The following PLD3 variants were observed in gnomAD, a reference collection of about 807,000 sequenced individuals.
PLD3 encodes the protein phospholipase D family member 3, also known as 5'-3' exonuclease PLD3.
Under a neutral mutation model 58.4 loss-of-function variants are expected in PLD3, and 31 were observed. The ratio of observed to expected loss-of-function variants is 0.53; its 90% confidence interval spans 0.40 to 0.72. The LOEUF is 0.72. Among genes scored for constraint, PLD3 ranks in the 30% least tolerant of loss-of-function variants. The pLI is 0.00. For synonymous variants in PLD3, 264 were observed against 273.4 expected (o/e 0.97, Z 0.34); for missense variants, 595 against 659.8 (o/e 0.90, Z 1.08).
intron 1 of PLD3, among the ~76,000 whole-genome samples, chr19:40,350,191 C>T (rs1454200912): frequency 8.1e-6 from 1 of 123,994 alleles, no homozygotes; most frequent in Non-Finnish European, 1.6e-5. Flanking sequence ...ATCTGAGAGG[C>T]GGAGGTTGCA....
At chr19:40,348,879 T>TAA (rs2078401684) in intron 1 of PLD3, 111 bp downstream of exon 1, 1 of 150,058 alleles carries the variant, frequency 6.7e-6, no homozygotes, top group African/African-American at 2.5e-5. Context: ...ATATGGAATA[T>TAA]AATATATATA....
chr19:40,365,219 G>C (rs1285966371), intron 1 of PLD3, among the ~76,000 whole-genome samples: 2 of 152,192 alleles, frequency 1.3e-5, no homozygotes, highest in African/African-American at 4.8e-5. Context: ...GGAGAGGAGG[G>C]ATGAGAGAGG....
Position 40,371,799 on chromosome 19 carries a change from T to C in PLD3, c.805T>C (p.Tyr269His). ...CATCCCATCAACTTGGCCCCGGTTCTATGACACCCGCTACAACCAAGAGAC... is the reference window on the plus strand; with the variant it reads ...CATCCCATCAACTTGGCCCCGGTTCCATGACACCCGCTACAACCAAGAGAC... ...SSIPSTWPRF[Y>H]DTRYNQETPM... The change falls in exon 9 of 13, where the codon TAT becomes CAT. Residue 269 changes from tyrosine (Y) to histidine (H), a missense_variant. Tyr to His is a moderately conservative substitution (Grantham distance 83). Transcript: ENST00000409735. 1 of 1,614,148 alleles carries C rather than the reference T, an allele frequency of 6.2e-7. No individual in the cohort carries two copies. The highest frequency in any genetic ancestry group is 2.2e-5 in the East Asian group (1 of 44,876).
In PLD3 at chr19:40,366,744, G is replaced by A. The variant is rs374163208; in HGVS notation, c.103-29G>A. On this transcript the variant is annotated intron_variant, in intron 4 of 12. Transcript: ENST00000409735. The stretch of plus-strand genomic sequence containing the variant: ...AGACAGGCTGGGCTGCCCCCCTCGG[G>A]CTGGCTGACCACCTCCTCCTCCCCA... 2.0e-5 allele frequency: 32 copies of A among 1,613,732 alleles called. No homozygotes were observed. In the African/African-American group the frequency reaches 3.9e-4, roughly 20 times the overall value.
Position 40,366,523 on chromosome 19 carries a change from G to A in PLD3, c.27+13G>A. On this transcript the variant is annotated intron_variant, in intron 3 of 12. Transcript: ENST00000409735. Reference sequence around the variant, plus strand: ...GATGTACCAGGAGGTAGGTGGATTGGGGGGCTCAGCAGGGTGGAACTGGGT... The same window carrying A: ...GATGTACCAGGAGGTAGGTGGATTGAGGGGCTCAGCAGGGTGGAACTGGGT... 1 of 1,612,548 alleles carries A rather than the reference G, an allele frequency of 6.2e-7. No individual in the cohort carries two copies. The highest frequency in any genetic ancestry group is 1.3e-5 in the African/African-American group (1 of 74,990).
At chr19:40,365,083 TTTC>T (rs1317187879) in intron 1 of PLD3, among the ~76,000 whole-genome samples, 1 of 152,194 alleles carries the variant, frequency 6.6e-6, no homozygotes, top group Non-Finnish European at 1.5e-5. Flanking sequence ...TAATACTCCT[TTTC>T]TGCAGTTATC....
intron 9 of PLD3, among the ~76,000 whole-genome samples, chr19:40,373,832 C>CA (rs2079125798): frequency 6.6e-6 from 1 of 151,490 alleles, no homozygotes; most frequent in Non-Finnish European, 1.5e-5. Context: ...ACTAAAAATA[C>CA]AAAAAAATTA....
intron 1 of PLD3, among the ~76,000 whole-genome samples, chr19:40,353,042 C>G (rs1003953595): frequency 1.3e-5 from 2 of 152,332 alleles, no homozygotes; most frequent in African/African-American, 4.8e-5. Flanking sequence ...TCACGCCTCC[C>G]TCAAGCTGCA....
chr19:40,367,262 T>A (rs540166102), intron 5 of PLD3: 50 of 269,916 alleles, frequency 1.9e-4, no homozygotes, highest in African/African-American at 2.0e-4. Context: ...TTTTAAAAAA[T>A]TTTTTTTAAA....
intron 1 of PLD3, chr19:40,365,485 A>G (rs893931818): frequency 6.6e-6 from 1 of 152,120 alleles, no homozygotes; most frequent in African/African-American, 2.4e-5. Flanking sequence ...CTGTTATTCA[A>G]CCATGATCTC....
intron 6 of PLD3, among the ~76,000 whole-genome samples, chr19:40,368,480 A>G (rs955307272): frequency 6.6e-6 from 1 of 152,230 alleles, no homozygotes; most frequent in Admixed American, 6.5e-5. Flanking sequence ...AACAGCCTAC[A>G]TGGATAACCT....
At chr19:40,363,880 G>A (rs982049589) in intron 1 of PLD3, among the ~76,000 whole-genome samples, 2 of 152,166 alleles carry the variant, frequency 1.3e-5, no homozygotes, top group African/African-American at 4.8e-5. Flanking sequence ...CTTGGAGTAA[G>A]GGGAGCACCT....
Position 40,351,195 on chromosome 19 carries a change from C to T in PLD3, c.-279+2427C>T, listed in dbSNP as rs532578081. The stretch of plus-strand genomic sequence containing the variant: ...GCAGTGAGCCATGATTTTGCCAATA[C>T]ACTCCAGCCTGGGCAACAGACGGAG... On this transcript the variant is annotated intron_variant, in intron 1 of 12. Transcript: ENST00000409735. 5.9e-5 allele frequency among the ~76,000 whole-genome samples: 9 copies of T among 151,808 alleles called. No homozygotes were observed. The Admixed American group carries it at 5.9e-4, about 10-fold the overall frequency.
At chr19:40,374,757 C>T (rs1186978173) in intron 10 of PLD3, 137 bp downstream of exon 10, 1 of 896,920 alleles carries the variant, frequency 1.1e-6, no homozygotes, top group East Asian at 2.5e-5. Flanking sequence ...AGACAGTCAC[C>T]AGGAGGTGAC....
chr19:40,363,984 T>C (rs1002015506), intron 1 of PLD3, among the ~76,000 whole-genome samples: 2 of 152,176 alleles, frequency 1.3e-5, no homozygotes, highest in Non-Finnish European at 2.9e-5. Flanking sequence ...CGCCTGTGTT[T>C]GCTTTATAAT....
chr19:40,378,194 C>A lies in PLD3; in HGVS notation c.*21C>A, dbSNP rs377697414. The A allele has an allele frequency of 6.3e-6, 10 of 1,598,056 alleles. No individual in the cohort carries two copies. The highest frequency in any genetic ancestry group is 8.5e-6 in the Non-Finnish European group (10 of 1,171,998). On this transcript the variant is annotated 3_prime_UTR_variant, in exon 13 of 13. Transcript: ENST00000409735. ...TCTGAGGCCCGATCCAGTGGGCAGG[C>A]CAAGGCCTGCTGGGCCCCCGCGGAC... is the stretch of plus-strand genomic sequence containing the variant.
At chr19:40,372,694 G>C (rs546836161) in intron 9 of PLD3, among the ~76,000 whole-genome samples, 1 of 150,504 alleles carries the variant, frequency 6.6e-6, no homozygotes, top group East Asian at 2.0e-4. Context: ...AAGAACTAGG[G>C]AGACACCATT....
intron 5 of PLD3, 168 bp from the exon 6 acceptor site, chr19:40,367,528 C>G: frequency 1.7e-6 from 1 of 572,118 alleles, no homozygotes; most frequent in Admixed American, 3.0e-5. Flanking sequence ...CTGCAGTGAG[C>G]TGAGATGGCG....
In PLD3 at chr19:40,378,158, C is replaced by T. The variant is rs2079291544; in HGVS notation, c.1458C>T (p.Ala486=). The T allele has an allele frequency of 6.2e-7, 1 of 1,609,732 alleles. No individual in the cohort carries two copies. Among genetic ancestry groups the T allele is most frequent in the Non-Finnish European group, 8.5e-7 (1 of 1,177,670 alleles). The change falls in exon 13 of 13, where the codon GCC becomes GCT. Residue 486 remains alanine, a synonymous_variant. Transcript: ENST00000409735. ...CCTCAGCTGACAGCGTGGGCAACGC[C>T]TGCCGCCTGCTCTGAGGCCCGATCC... is the stretch of plus-strand genomic sequence containing the variant. ...LDTSADSVGN[A]CRLL is the part of the protein sequence containing the mutation.
Sources: allele counts gnomAD v4.1 joint callset (sites outside exome capture counted in the v4.1 genomes callset), GRCh38; gene constraint gnomAD v4.1.1; transcripts MANE v1.5; gene names NCBI Gene and HGNC (gene_info 2026-07-23, HGNC 2026-07-21).